The following ADGRL3 variants were observed in gnomAD, a reference collection of about 807,000 sequenced individuals.
ADGRL3 encodes the protein calcium-independent alpha-latrotoxin receptor 3.
Under a neutral mutation model 153.5 loss-of-function variants are expected in ADGRL3, and 62 were observed. That is an observed-to-expected ratio of 0.40 (90% CI 0.33 to 0.50). ADGRL3 has a LOEUF of 0.50. Ranked by LOEUF, ADGRL3 falls within the 20% of genes least tolerant of loss-of-function variation. The pLI is 0.47. For synonymous variants in ADGRL3, 710 were observed against 672.5 expected (o/e 1.06, Z -0.86); for missense variants, 1,641 against 1,859.4 (o/e 0.88, Z 2.16).
chr4:61,252,668 C>T (rs1003251676), intron 1 of ADGRL3, among the ~76,000 whole-genome samples: 50 of 146,060 alleles, frequency 3.4e-4, no homozygotes, highest in Admixed American at 1.1e-3. Context: ...TTTCTGATTT[C>T]GTTTGTCTCA....
chr4:61,996,252 A>T (rs2099121396), intron 19 of ADGRL3, 39 bp from the exon 20 acceptor site: 1 of 1,383,296 alleles, frequency 7.2e-7, no homozygotes, highest in East Asian at 2.3e-5. Flanking sequence ...TCCCATACCC[A>T]GTCCTTGAAT....
intron 1 of ADGRL3, among the ~76,000 whole-genome samples, chr4:61,336,708 A>G (rs554732612): frequency 3.6e-4 from 54 of 151,906 alleles, no homozygotes; most frequent in Non-Finnish European, 7.2e-4. Context: ...TAATCTGCCA[A>G]CATTCATGGT....
chr4:61,339,653 T>C (rs1197448568), intron 1 of ADGRL3, among the ~76,000 whole-genome samples: 2 of 152,222 alleles, frequency 1.3e-5, no homozygotes, highest in Non-Finnish European at 2.9e-5. Context: ...TGAACTATTT[T>C]TCATATTACA....
At chr4:61,755,906 G>T (rs113941868) in intron 8 of ADGRL3, among the ~76,000 whole-genome samples, 1,536 of 152,210 alleles carry the variant, frequency 0.01, 45 homozygotes, top group African/African-American at 0.035. Flanking sequence ...TTTTTGTCAG[G>T]TTTGTCAGAG....
At chr4:61,928,553 T>C (rs938070867) in intron 13 of ADGRL3, among the ~76,000 whole-genome samples, 4 of 152,206 alleles carry the variant, frequency 2.6e-5, no homozygotes, top group African/African-American at 9.6e-5. Context: ...TCTTTACACA[T>C]AATACGTATC....
At chr4:61,795,347 T>G (rs1387006713) in intron 8 of ADGRL3, among the ~76,000 whole-genome samples, 2 of 152,174 alleles carry the variant, frequency 1.3e-5, no homozygotes, top group African/African-American at 4.8e-5. Flanking sequence ...ATGCTGTTCT[T>G]GAACTCCTAG....
intron 1 of ADGRL3, among the ~76,000 whole-genome samples, chr4:61,260,770 G>C (rs2092446907): frequency 6.6e-6 from 1 of 152,042 alleles, no homozygotes; most frequent in South Asian, 2.1e-4. Flanking sequence ...CTGTCACCCA[G>C]GCTGGAGTGC....
intron 8 of ADGRL3, among the ~76,000 whole-genome samples, chr4:61,803,530 T>C (rs2097523823): frequency 6.6e-6 from 1 of 152,146 alleles, no homozygotes; most frequent in African/African-American, 2.4e-5. Context: ...ACTCACTCTT[T>C]CTTTGCTTTA....
chr4:61,635,372 A>G (rs962061067), intron 5 of ADGRL3, among the ~76,000 whole-genome samples: 2 of 152,168 alleles, frequency 1.3e-5, no homozygotes, highest in African/African-American at 4.8e-5. Context: ...GAAGTCTTCT[A>G]CCTCACAAGT....
At chr4:61,884,756 C>G (rs1404603130) in intron 9 of ADGRL3, among the ~76,000 whole-genome samples, 1 of 151,838 alleles carries the variant, frequency 6.6e-6, no homozygotes, top group East Asian at 2.0e-4. Context: ...TCTGGAGTAT[C>G]TGGGATTACA....
At chr4:61,269,875 A>G (rs1245469358) in intron 1 of ADGRL3, among the ~76,000 whole-genome samples, 2 of 151,698 alleles carry the variant, frequency 1.3e-5, no homozygotes, top group African/African-American at 4.8e-5. Context: ...AGAATCTTTT[A>G]CAAATCATTT....
chr4:61,338,787 A>G (rs2095742180), intron 1 of ADGRL3, among the ~76,000 whole-genome samples: 1 of 152,222 alleles, frequency 6.6e-6, no homozygotes, highest in African/African-American at 2.4e-5. Context: ...CTATTGAATA[A>G]ATATTAAGTG....
chr4:61,232,399 C>T (rs570104122), intron 1 of ADGRL3, among the ~76,000 whole-genome samples: 5 of 147,952 alleles, frequency 3.4e-5, no homozygotes, highest in African/African-American at 1.2e-4. Context: ...ACCTCCACCT[C>T]CCAGGTTCAA....
intron 17 of ADGRL3, among the ~76,000 whole-genome samples, chr4:61,949,487 C>T (rs1250046271): frequency 6.6e-6 from 1 of 152,046 alleles, no homozygotes; most frequent in Non-Finnish European, 1.5e-5. Context: ...CATTCAGGGT[C>T]AGGAGTTAGA....
At chr4:61,367,394 C>A (rs1444446569) in intron 1 of ADGRL3, among the ~76,000 whole-genome samples, 5 of 151,848 alleles carry the variant, frequency 3.3e-5, no homozygotes, top group East Asian at 3.9e-4. Flanking sequence ...CCACTCCCCC[C>A]ACCCCACAAC....
intron 5 of ADGRL3, among the ~76,000 whole-genome samples, chr4:61,604,826 C>T (rs912180418): frequency 6.6e-6 from 1 of 152,100 alleles, no homozygotes; most frequent in African/African-American, 2.4e-5. Context: ...AACAATGGCT[C>T]ATGCCTATAA....
chr4:61,988,291 A>G (rs754134793), intron 19 of ADGRL3, among the ~76,000 whole-genome samples: 3 of 152,176 alleles, frequency 2.0e-5, no homozygotes, highest in Non-Finnish European at 4.4e-5. Flanking sequence ...TTTGGTTAAA[A>G]TAATTAGTTA....
chr4:61,225,706 C>T (rs1471963227), intron 1 of ADGRL3, among the ~76,000 whole-genome samples: 1 of 152,136 alleles, frequency 6.6e-6, no homozygotes, highest in Non-Finnish European at 1.5e-5. Flanking sequence ...TCCTTCTGCT[C>T]TTTCAGTGAT....
rs181414806 is a variant in ADGRL3 at position 61,271,492 on chromosome 4, T to C, written c.-240+69727T>C. On this transcript the variant is annotated intron_variant, in intron 1 of 26. Coordinates refer to ENST00000683033, the MANE Select transcript of ADGRL3 (RefSeq NM_001387552.1). ...CACATCAATGTGAAGTAGTTCTTTA[T>C]GAGATTGATTTTGTAGCATTGAACA... Among the ~76,000 whole-genome samples, 459 of 152,074 alleles carry C rather than the reference T, an allele frequency of 3.0e-3. 4 individuals carry two copies. The highest frequency in any genetic ancestry group is 0.011 in the African/African-American group (445 of 41,544).
Sources: gnomAD v4.1 joint callset for allele counts (sites outside exome capture counted in the v4.1 genomes callset) on GRCh38, gnomAD v4.1.1 for gene constraint, MANE v1.5 for transcripts, NCBI Gene and HGNC (gene_info 2026-07-23, HGNC 2026-07-21) for gene names.